The following ERMN variants were observed in gnomAD, a reference collection of about 807,000 sequenced individuals.
ERMN encodes ermin, also known as ermin, ERM-like protein.
A neutral mutation model predicts 21.4 loss-of-function variants in ERMN; 17 were observed. The ratio of observed to expected loss-of-function variants is 0.80; its 90% CI spans 0.54 to 1.19. The LOEUF (loss-of-function observed/expected upper bound fraction) is 1.19. Among genes scored for constraint, ERMN ranks in the 50% most tolerant of loss-of-function variants. The pLI, the probability that ERMN is intolerant of heterozygous loss-of-function variation, is 0.00. For synonymous variants in ERMN, 115 were observed against 111.9 expected (o/e 1.03, Z -0.17); for missense variants, 348 against 331.6 (o/e 1.05, Z -0.38).
chr2:157,325,786 T>C lies in ERMN; in HGVS notation c.-144A>G, dbSNP rs1684056694. 1 of 1,510,118 alleles carries C rather than the reference T, an allele frequency of 6.6e-7. No homozygotes were observed. The allele number at this position is 1,510,118 out of a possible 1,614,324, so 93.5% of individuals were successfully genotyped here. Reference sequence around the variant, plus strand: ...ACAAATTATTCACTTTAGTACATAATAACAAGGTTCTTTTCCTAAAAGTAT... The same window carrying C: ...ACAAATTATTCACTTTAGTACATAACAACAAGGTTCTTTTCCTAAAAGTAT... On this transcript the variant is annotated 5_prime_UTR_variant, in exon 1 of 3. Transcript: ENST00000410096.
chr2:157,322,312 A>C (rs950078303), intron 2 of ERMN, among the ~76,000 whole-genome samples: 1 of 152,228 alleles, frequency 6.6e-6, no homozygotes. Flanking sequence ...AAAGAAAAAA[A>C]TGCTCGTTTC....
intron 2 of ERMN, chr2:157,324,168 A>G: frequency 3.8e-6 from 1 of 263,178 alleles, no homozygotes; most frequent in South Asian, 3.3e-5. Flanking sequence ...GTTACTCAGG[A>G]AGCTGAGGCA....
At chr2:157,323,312 T>C (rs893071100) in intron 2 of ERMN, among the ~76,000 whole-genome samples, 3 of 152,238 alleles carry the variant, frequency 2.0e-5, no homozygotes, top group Non-Finnish European at 1.5e-5. Context: ...ACTTGTTACA[T>C]TGGAAGCAGA....
chr2:157,320,221 G>A lies in ERMN; in HGVS notation c.*1050C>T, dbSNP rs1233428463. ...TTTAAGCATCTTGATTTGGGCTGAG[G>A]TCCAGTAAATTATATATTCCCAACA... On this transcript the variant is annotated 3_prime_UTR_variant, in exon 3 of 3. Transcript: ENST00000410096. 1 of 152,498 alleles carries A rather than the reference G, an allele frequency of 6.6e-6. No individual in the cohort carries two copies. The highest frequency in any genetic ancestry group is 1.5e-5 in the Non-Finnish European group (1 of 68,000). The allele number at this position is 152,498 out of a possible 1,614,324, so 9.4% of individuals were successfully genotyped here.
rs931794311 is a variant in ERMN at position 157,320,962 on chromosome 2, G to A, written c.*309C>T. 31 of 273,932 alleles carry A rather than the reference G, an allele frequency of 1.1e-4. No homozygotes were observed. In the East Asian group the frequency reaches 1.9e-3, roughly 17 times the overall value. 17.0% of individuals were successfully genotyped at this position (273,932 alleles called of 1,614,324 possible). A position where few individuals can be genotyped will look rare whatever the true frequency, so the allele number is the denominator to read the frequency against. ...TTTGATGACTACCTTTCCAAGCATT[G>A]CTACATTTATAGCCGAATTATGCCA... On this transcript the variant is annotated 3_prime_UTR_variant, in exon 3 of 3. Coordinates refer to ENST00000410096, the MANE Select transcript of ERMN (RefSeq NM_020711.3).
chr2:157,325,566 A>T lies in ERMN; in HGVS notation c.77T>A (p.Ile26Asn). 6.2e-7 allele frequency: 1 copy of T among 1,613,970 alleles called. No individual in the cohort carries two copies. The highest frequency in any genetic ancestry group is 8.5e-7 in the Non-Finnish European group (1 of 1,179,986). ...AGTCAATTCCTCACTGATTTTAGTG[A>T]TTGTTTGTTGACCGTTTTCAGGTGG... ...DKPPENGQQT[I>N]TKISEELTDV... Residue 26 changes from isoleucine (I) to asparagine (N), a missense_variant, in exon 1 of 3, where the codon ATC becomes AAC. Ile to Asn is a moderately radical substitution (Grantham distance 149). Coordinates refer to ENST00000410096, the MANE Select transcript of ERMN (RefSeq NM_020711.3).
chr2:157,325,396 CTT>C lies in ERMN; in HGVS notation c.241+4_241+5del. ...AAGAAAATTAAGGAGAAGGGAAACA[CTT>C]TACCTTTTAGCATTTTGTCCTCCAT... is the stretch of plus-strand genomic sequence containing the variant. On this transcript the variant is annotated splice_donor_5th_base_variant and intron_variant, in intron 1 of 2. Coordinates refer to ENST00000410096, the MANE Select transcript of ERMN (RefSeq NM_020711.3). 1 of 1,613,508 alleles carries C rather than the reference CTT, an allele frequency of 6.2e-7. No homozygotes were observed. The highest frequency in any genetic ancestry group is 8.5e-7 in the Non-Finnish European group (1 of 1,179,616).
chr2:157,325,143 GTTA>G (rs971943614), intron 1 of ERMN: 19 of 616,384 alleles, frequency 3.1e-5, no homozygotes, highest in Admixed American at 1.1e-4. Context: ...TAGACTTGTA[GTTA>G]TTATTATTAT....
In ERMN at chr2:157,318,964, C is replaced by G. The variant is rs1288207634; in HGVS notation, c.*2307G>C. 1 of 152,094 alleles carries G rather than the reference C, an allele frequency of 6.6e-6. No homozygotes were observed. The highest frequency in any genetic ancestry group is 1.5e-5 in the Non-Finnish European group (1 of 68,006). 9.4% of individuals were successfully genotyped at this position (152,094 alleles called of 1,614,324 possible). A position where few individuals can be genotyped will look rare whatever the true frequency, so the allele number is the denominator to read the frequency against. On this transcript the variant is annotated 3_prime_UTR_variant, in exon 3 of 3. Coordinates refer to ENST00000410096, the MANE Select transcript of ERMN (RefSeq NM_020711.3). ...ACCAGTTTGTGTTCTTAATCATGTTCCCCCTGAGTTTCAAATATGTTAAAA... is the reference window on the plus strand; with the variant it reads ...ACCAGTTTGTGTTCTTAATCATGTTGCCCCTGAGTTTCAAATATGTTAAAA...
At chr2:157,327,195 A>G (rs551588949), upstream of ERMN, 78 of 235,534 alleles carry the variant, frequency 3.3e-4, no homozygotes, top group South Asian at 0.01. Flanking sequence ...GAAGAGTTGT[A>G]GTAAGCATAT....
chr2:157,321,549 T>TATC lies in ERMN; in HGVS notation c.574_576dup (p.Asp192dup), dbSNP rs750466305. 7.8e-5 allele frequency: 126 copies of TATC among 1,612,944 alleles called. No homozygotes were observed. The highest frequency in any genetic ancestry group is 6.6e-4 in the Middle Eastern group (4 of 6,062). Reference sequence around the variant, plus strand: ...ACTTCATCTTCATCATTATTGCAATTATCATCATCATCATCATCAATTTCT... The same window carrying TATC: ...ACTTCATCTTCATCATTATTGCAATTATCATCATCATCATCATCATCAATTTCT... On this transcript the variant is annotated inframe_insertion, in exon 3 of 3. Coordinates refer to ENST00000410096, the MANE Select transcript of ERMN (RefSeq NM_020711.3).
chr2:157,326,371 C>T (rs1167101681), upstream of ERMN, among the ~76,000 whole-genome samples: 1 of 152,206 alleles, frequency 6.6e-6, no homozygotes, highest in Non-Finnish European at 1.5e-5. Context: ...TACCAACTTG[C>T]TAATACCAAA....
upstream of ERMN, chr2:157,327,675 GGGTTC>G: frequency 1.8e-6 from 1 of 568,314 alleles, no homozygotes; most frequent in East Asian, 3.0e-5. Flanking sequence ...GATCCCACAG[GGGTTC>G]GGCATTAGCA....
upstream of ERMN, chr2:157,325,982 T>C (rs1684060312): frequency 8.7e-7 from 1 of 1,153,632 alleles, no homozygotes; most frequent in Non-Finnish European, 1.1e-6. Flanking sequence ...GGCTTTTGTG[T>C]TGGCATGTAG....
Position 157,325,439 on chromosome 2 carries a change from C to A in ERMN, c.204G>T (p.Met68Ile), listed in dbSNP as rs1182652831. The stretch of plus-strand genomic sequence containing the variant: ...TGTCCTCCATGGATGAGTTGAGCAG[C>A]ATGTTCCCTTGTAATTTTCTTCTTT... The part of the protein sequence containing the change: ...QEERRKLQGN[M>I]LLNSSMEDKM... Residue 68 changes from methionine to isoleucine, a missense_variant, in exon 1 of 3, where the codon ATG (methionine) becomes ATT (isoleucine). Transcript: ENST00000410096. The A allele has an allele frequency of 6.2e-7, 1 of 1,613,998 alleles. No homozygotes were observed. The highest frequency in any genetic ancestry group is 8.5e-7 in the Non-Finnish European group (1 of 1,180,018).
In ERMN at chr2:157,321,437, C is replaced by G; in HGVS notation, c.689G>C (p.Ser230Thr). The G allele has an allele frequency of 6.2e-7, 1 of 1,614,172 alleles. No individual in the cohort carries two copies. The highest frequency in any genetic ancestry group is 8.5e-7 in the Non-Finnish European group (1 of 1,180,016). ...AGGTGTCACAGCTTGGGAACTGGCA[C>G]TGCTCAGTGGGGAGTCCTCACTTGC... is the stretch of plus-strand genomic sequence containing the variant. ...GDASEDSPLS[S>T]ASSQAVTPDE... Residue 230 changes from serine (S) to threonine (T), a missense_variant, in exon 3 of 3, where the codon AGT becomes ACT. Ser to Thr is a moderately conservative substitution (Grantham distance 58). Coordinates refer to ENST00000410096, the MANE Select transcript of ERMN (RefSeq NM_020711.3).
In ERMN at chr2:157,320,034, T is replaced by C. The variant is rs1265815576; in HGVS notation, c.*1237A>G. 6.6e-6 allele frequency: 1 copy of C among 152,156 alleles called. No homozygotes were observed. The highest frequency in any genetic ancestry group is 2.4e-5 in the African/African-American group (1 of 41,444). The allele number at this position is 152,156 out of a possible 1,614,324, so 9.4% of individuals were successfully genotyped here. ...TTTTTATTTGCAGGGCAAAACAAAA[T>C]CTTTATCTGTGGTGATAGAAAGTTC... On this transcript the variant is annotated 3_prime_UTR_variant, in exon 3 of 3. Coordinates refer to ENST00000410096, the MANE Select transcript of ERMN (RefSeq NM_020711.3).
At chr2:157,325,874 A>T (rs1684058197), upstream of ERMN, 1 of 1,398,378 alleles carries the variant, frequency 7.2e-7, no homozygotes, top group African/African-American at 1.4e-5. Context: ...CATGAGCAAG[A>T]ATCCAGCCAA....
chr2:157,324,334 C>T (rs972710132), intron 2 of ERMN: 11 of 226,790 alleles, frequency 4.9e-5, no homozygotes, highest in Non-Finnish European at 9.7e-5. Context: ...GTTTTTGAAA[C>T]ATTTACCTTT....
Sources: gnomAD v4.1 joint callset for allele counts (sites outside exome capture counted in the v4.1 genomes callset) on GRCh38, gnomAD v4.1.1 for gene constraint, MANE v1.5 for transcripts, NCBI Gene and HGNC (gene_info 2026-07-23, HGNC 2026-07-21) for gene names.